The following KRT76 variants were observed in gnomAD, a reference collection of about 807,000 sequenced individuals.
The protein encoded by KRT76 is keratin, type II cytoskeletal 2 oral.
In KRT76, 47 loss-of-function variants were observed where a neutral mutation model predicts 44.9. The ratio of observed to expected loss-of-function variants is 1.05; its 90% CI spans 0.83 to 1.33. KRT76 has a LOEUF of 1.33. Among genes scored for constraint, KRT76 ranks in the 40% most tolerant of loss-of-function variants. KRT76 has a pLI of 0.00. For missense variants in KRT76, 860 were observed against 775.8 expected (o/e 1.11, Z -1.29); for synonymous variants, 331 against 294.1 (o/e 1.13, Z -1.28).
Position 52,771,217 on chromosome 12 carries a change from A to G in KRT76, c.1266T>C (p.Asn422=). 6.2e-7 allele frequency: 1 copy of G among 1,614,134 alleles called. No homozygotes were observed. Among genetic ancestry groups the G allele is most frequent in the Non-Finnish European group, 8.5e-7 (1 of 1,180,024 alleles). The change falls in exon 7 of 9, where the codon AAT becomes AAC. Residue 422 remains asparagine, a splice_region_variant and synonymous_variant. Transcript: ENST00000332411. ...CTGCAATTGCCGTCTGCAGGTTGGC[A>G]TTCTGAGGTAGAAAATCAATTAGCA... ...RAEIENVKKQ[N]ANLQTAIAEA... is the part of the protein sequence containing the mutation.
intron 8 of KRT76, 138 bp from the exon 9 acceptor site, chr12:52,769,248 A>G (rs1939142469): frequency 1.6e-6 from 1 of 611,264 alleles, no homozygotes; most frequent in Non-Finnish European, 3.0e-6. Flanking sequence ...TTTGCAAACC[A>G]TGAGAGTGAG....
Position 52,776,845 on chromosome 12 carries a change from CCCAGGGCCAAAGCCA to C in KRT76, c.432_446del (p.Gly147_Phe151del). The C allele has an allele frequency of 1.2e-6, 2 of 1,613,738 alleles. No individual in the cohort carries two copies. Among genetic ancestry groups the C allele is most frequent in the Non-Finnish European group, 1.7e-6 (2 of 1,179,826 alleles). On this transcript the variant is annotated inframe_deletion, in exon 1 of 9. Transcript: ENST00000332411. ...CTTCCTGAATTCCCCCAGGAAAGCC[CCCAGGGCCAAAGCCA>C]CCAGGACCACCAAAGCTGCCAGGCC...
At chr12:52,771,837 A>T (rs12828901) in intron 6 of KRT76, 34 bp downstream of exon 6, 2 of 1,598,912 alleles carry the variant, frequency 1.3e-6, no homozygotes, top group Non-Finnish European at 8.5e-7. Flanking sequence ...GGCCCAGAAG[A>T]CCTCTGGGAT....
chr12:52,775,431 C>G lies in KRT76; in HGVS notation c.772G>C (p.Glu258Gln). Residue 258 changes from glutamate to glutamine, a missense_variant, in exon 2 of 9, where the codon GAG (glutamate) becomes CAG (glutamine). By Grantham distance (29) the Glu-to-Gln change is conservative (BLOSUM62 2). Transcript: ENST00000332411. ...LLGERGNLEG[E>Q]LKSMQDLVED... ...ACCAGGTCCTGCATGCTTTTCAGCT[C>G]TCCCTCCAGGTTCCCCCTCTCCCCT... is the stretch of plus-strand genomic sequence containing the variant. 2 of 1,614,216 alleles carry G rather than the reference C, an allele frequency of 1.2e-6. No homozygotes were observed. Among genetic ancestry groups the G allele is most frequent in the Non-Finnish European group, 1.7e-6 (2 of 1,180,032 alleles).
In KRT76 at chr12:52,772,086, G is replaced by T. The variant is rs373242440; in HGVS notation, c.1137+8C>A. 2 of 1,607,920 alleles carry T rather than the reference G, an allele frequency of 1.2e-6. No individual in the cohort carries two copies. The highest frequency in any genetic ancestry group is 1.7e-4 in the Middle Eastern group (1 of 6,028). On this transcript the variant is annotated splice_region_variant and intron_variant, in intron 5 of 8. Coordinates refer to ENST00000332411, the MANE Select transcript of KRT76 (RefSeq NM_015848.4). ...ATCAGGATCCAAGGACACAGGGAGG[G>T]TTCCCACCTTGGTCTGGTACAGGGC...
Position 52,768,835 on chromosome 12 carries a change from C to T in KRT76, c.1795G>A (p.Gly599Ser). Residue 599 changes from glycine (G) to serine (S), a missense_variant, in exon 9 of 9, where the codon GGC (glycine) becomes AGC (serine). By Grantham distance (56) the Gly-to-Ser change is moderately conservative. Transcript: ENST00000332411. ...GSISVSHSGM[G>S]SSSGSIQTSG... ...GTCTGGATGCTGCCAGAGCTGGAGC[C>T]CATTCCACTGTGGCTCACGGAGATG... 2 of 1,613,952 alleles carry T rather than the reference C, an allele frequency of 1.2e-6. No individual in the cohort carries two copies. Among genetic ancestry groups the T allele is most frequent in the Non-Finnish European group, 1.7e-6 (2 of 1,179,958 alleles).
intron 2 of KRT76, among the ~76,000 whole-genome samples, 174 bp downstream of exon 2, chr12:52,775,214 T>C (rs904800001): frequency 1.3e-5 from 2 of 152,166 alleles, no homozygotes; most frequent in African/African-American, 4.8e-5. Context: ...CATAGCCACA[T>C]GGGAGTCTCA....
At chr12:52,769,682 CA>C in intron 7 of KRT76, 99 bp from the exon 8 acceptor site, 2 of 985,988 alleles carry the variant, frequency 2.0e-6, no homozygotes, top group Non-Finnish European at 3.3e-6. Context: ...CCATTTGCCC[CA>C]CTAGGGGTCA....
At position 52,772,223 on chromosome 12, in the gene KRT76, C is replaced by G. The variant is rs745778936; in HGVS notation, c.1008G>C (p.Thr336=). The G allele has an allele frequency of 2.5e-6, 4 of 1,609,192 alleles. No homozygotes were observed. Among genetic ancestry groups the G allele is most frequent in the Non-Finnish European group, 3.4e-6 (4 of 1,177,700 alleles). The change falls in exon 5 of 9, where the codon ACG becomes ACC. Residue 336 remains threonine, a synonymous_variant. Coordinates refer to ENST00000332411, the MANE Select transcript of KRT76 (RefSeq NM_015848.4). The part of the protein sequence containing the change: ...LSQMQSHASD[T]SVVLSMDNNR... ...TGTTGTCCATGGACAGAACCACAGA[C>G]GTGTCACTGGCATGGCTTTGCATCT...
chr12:52,773,526 C>T (rs1939216166), intron 3 of KRT76, 56 bp downstream of exon 3: 6 of 1,356,448 alleles, frequency 4.4e-6, no homozygotes, highest in Non-Finnish European at 6.3e-6. Flanking sequence ...TGCACTCTCT[C>T]CATGGGGGCA....
chr12:52,777,010 A>G lies in KRT76; in HGVS notation c.282T>C (p.Tyr94=), dbSNP rs1939273049. 1.2e-6 allele frequency: 2 copies of G among 1,613,780 alleles called. No individual in the cohort carries two copies. Among genetic ancestry groups the G allele is most frequent in the Non-Finnish European group, 8.5e-7 (1 of 1,179,862 alleles). The change falls in exon 1 of 9, where the codon TAT becomes TAC. Residue 94 remains tyrosine, a synonymous_variant. Transcript: ENST00000332411. ...GRSSCGFAGG[Y]GGGFGGSYGG... ...CATAGCTGCCCCCAAAGCCACCTCC[A>G]TAGCCACCTGCAAAGCCACAGCTGC...
intron 1 of KRT76, 47 bp from the exon 2 acceptor site, chr12:52,775,649 T>A: frequency 1.3e-6 from 2 of 1,486,596 alleles, no homozygotes; most frequent in Non-Finnish European, 1.9e-6. Flanking sequence ...GAGTTGGGCA[T>A]GTGGGGCTGC....
In KRT76 at chr12:52,771,171, TCTCTC is replaced by T. The variant is rs747051018; in HGVS notation, c.1307_1311del (p.Gly436AspfsTer21). Reference sequence around the variant, plus strand: ...TTGGCATTGGCGTCCTTGAGGGCCATCTCTCCACGCTGCTCAGCCTCTGCAATTGC... The same window carrying T: ...TTGGCATTGGCGTCCTTGAGGGCCATCACGCTGCTCAGCCTCTGCAATTGC... On this transcript the variant is annotated frameshift_variant, in exon 7 of 9. Transcript: ENST00000332411. LOFTEE classifies it high-confidence loss of function. 8 of 1,614,168 alleles carry T rather than the reference TCTCTC, an allele frequency of 5.0e-6. No homozygotes were observed. The highest frequency in any genetic ancestry group is 6.8e-6 in the Non-Finnish European group (8 of 1,180,032).
intron 7 of KRT76, among the ~76,000 whole-genome samples, 184 bp downstream of exon 7, chr12:52,770,815 A>C (rs1306673342): frequency 6.6e-6 from 1 of 152,232 alleles, no homozygotes; most frequent in African/African-American, 2.4e-5. Flanking sequence ...TCCATTAAAC[A>C]TTTGAGAGTT....
In KRT76 at chr12:52,777,010, A is replaced by C; in HGVS notation, c.282T>G (p.Tyr94Ter). The C allele has an allele frequency of 1.2e-6, 2 of 1,613,898 alleles. No homozygotes were observed. The highest frequency in any genetic ancestry group is 1.7e-6 in the Non-Finnish European group (2 of 1,179,854). The change falls in exon 1 of 9, where the codon TAT (tyrosine) becomes TAG (stop). Residue 94 changes from tyrosine (Y) to a stop codon, truncating the protein, a stop_gained. Transcript: ENST00000332411. LOFTEE classifies it high-confidence loss of function. ...GRSSCGFAGG[Y>*]GGGFGGSYGG... ...CATAGCTGCCCCCAAAGCCACCTCC[A>C]TAGCCACCTGCAAAGCCACAGCTGC...
At position 52,776,876 on chromosome 12, in the gene KRT76, C is replaced by T. The variant is rs779565129; in HGVS notation, c.416G>A (p.Ser139Asn). 1.2e-6 allele frequency: 2 copies of T among 1,612,334 alleles called. No individual in the cohort carries two copies. Among genetic ancestry groups the T allele is most frequent in the Non-Finnish European group, 1.7e-6 (2 of 1,179,076 alleles). The change falls in exon 1 of 9, where the codon AGC (serine) becomes AAC (asparagine). Residue 139 changes from serine (S) to asparagine (N), a missense_variant. Coordinates refer to ENST00000332411, the MANE Select transcript of KRT76 (RefSeq NM_015848.4). ...GGPGVFGGPG[S>N]FGGPGGFGPG... is the part of the protein sequence containing the mutation. ...GCCAAAGCCACCAGGACCACCAAAGCTGCCAGGCCCACCAAATACACCAGG... is the reference window on the plus strand; with the variant it reads ...GCCAAAGCCACCAGGACCACCAAAGTTGCCAGGCCCACCAAATACACCAGG...
At position 52,772,081 on chromosome 12, in the gene KRT76, G is replaced by A. The variant is rs760661076; in HGVS notation, c.1137+13C>T. 25 of 1,607,006 alleles carry A rather than the reference G, an allele frequency of 1.6e-5. No individual in the cohort carries two copies. The highest frequency in any genetic ancestry group is 8.4e-5 in the Admixed American group (5 of 59,776). The stretch of plus-strand genomic sequence containing the variant: ...AGGTCATCAGGATCCAAGGACACAG[G>A]GAGGGTTCCCACCTTGGTCTGGTAC... On this transcript the variant is annotated intron_variant, in intron 5 of 8. Coordinates refer to ENST00000332411, the MANE Select transcript of KRT76 (RefSeq NM_015848.4).
In KRT76 at chr12:52,771,991, C is replaced by G. The variant is rs1468356283; in HGVS notation, c.1143G>C (p.Gly381=). ...GCCTGCCAGCTGTGGTCTGCAGCTC[C>G]CCAAGCTGACAGAGGAAAAACCAAT... The part of the protein sequence containing the change: ...EAEALYQTKL[G]ELQTTAGRHG... Residue 381 remains glycine, a synonymous_variant, in exon 6 of 9, where the codon GGG becomes GGC. Transcript: ENST00000332411. The G allele has an allele frequency of 6.2e-7, 1 of 1,613,512 alleles. No homozygotes were observed. Among genetic ancestry groups the G allele is most frequent in the South Asian group, 1.1e-5 (1 of 90,914 alleles).
chr12:52,769,199 G>A (rs907914968), intron 8 of KRT76, 89 bp from the exon 9 acceptor site: 12 of 620,584 alleles, frequency 1.9e-5, no homozygotes, highest in Admixed American at 1.1e-4. Flanking sequence ...GCTTGGCCAT[G>A]TGACTTCGAG....
Sources: gnomAD v4.1 joint callset for allele counts (sites outside exome capture counted in the v4.1 genomes callset) on GRCh38, gnomAD v4.1.1 for gene constraint, MANE v1.5 for transcripts, NCBI Gene and HGNC (gene_info 2026-07-23, HGNC 2026-07-21) for gene names.